Variants in AGTPBP1 observed in about 807,000 individuals in gnomAD.
AGTPBP1 encodes cytosolic carboxypeptidase 1.
AGTPBP1 carries 70 observed loss-of-function variants against 143.9 expected under a neutral mutation model. The ratio of observed to expected loss-of-function variants is 0.49; its 90% confidence interval spans 0.40 to 0.59. AGTPBP1 has a LOEUF of 0.59. AGTPBP1 is among the 20% of genes least tolerant of loss of function. The probability of loss-of-function intolerance (pLI) is 0.00; values close to 1 mark genes in which losing one functional copy is unlikely to be tolerated. For missense variants in AGTPBP1, 1,229 were observed against 1,464.5 expected, an observed-to-expected ratio of 0.84 and a Z score of 2.62; for synonymous variants, 463 against 500.2, an observed-to-expected ratio of 0.93 and a Z score of 0.99.
intron 17 of AGTPBP1, among the ~76,000 whole-genome samples, chr9:85,602,352 G>GA (rs202093258): frequency 6.6e-6 from 1 of 151,954 alleles, no homozygotes. Flanking sequence ...TTAAATGATA[G>GA]AAAAAAATAT....
intron 21 of AGTPBP1, 115 bp downstream of exon 21, chr9:85,588,183 T>G (rs1828733662): frequency 3.3e-6 from 3 of 897,402 alleles, no homozygotes; most frequent in Admixed American, 3.7e-5. Flanking sequence ...ACCAAAAATT[T>G]CTTTATTCTA....
chr9:85,554,642 G>C (rs1826223363), intron 25 of AGTPBP1, among the ~76,000 whole-genome samples: 2 of 152,146 alleles, frequency 1.3e-5, no homozygotes. Flanking sequence ...AAGATAAAAT[G>C]AATCTTCTGT....
upstream of AGTPBP1, among the ~76,000 whole-genome samples, chr9:85,742,392 G>A (rs1234149105): frequency 2.0e-5 from 3 of 151,754 alleles, no homozygotes; most frequent in Non-Finnish European, 2.9e-5. Flanking sequence ...ACTTTCTTAG[G>A]AAGGGTTCTT....
At chr9:85,803,504 A>G in the AGTPBP1 span, among the ~76,000 whole-genome samples, 3 of 152,176 alleles carry the variant, frequency 2.0e-5, no homozygotes, top group African/African-American at 7.2e-5. Context: ...TAAGTTGAAG[A>G]TGCTGGTTCA....
chr9:85,797,510 C>G, the AGTPBP1 span, among the ~76,000 whole-genome samples: 1 of 152,160 alleles, frequency 6.6e-6, no homozygotes, highest in African/African-American at 2.4e-5. Flanking sequence ...GGTAATCCAT[C>G]ATTTCCATTT....
the AGTPBP1 span, among the ~76,000 whole-genome samples, chr9:85,753,821 G>A: frequency 2.0e-5 from 3 of 152,034 alleles, no homozygotes; most frequent in Admixed American, 2.0e-4. Context: ...AAAACTGTTG[G>A]ACTCTGAATA....
At chr9:85,625,672 G>A (rs1180452294) in intron 14 of AGTPBP1, among the ~76,000 whole-genome samples, 1 of 151,646 alleles carries the variant, frequency 6.6e-6, no homozygotes, top group East Asian at 1.9e-4. Context: ...GAACACGATG[G>A]CAGGAGATCG....
chr9:85,804,430 C>CT, the AGTPBP1 span, among the ~76,000 whole-genome samples: 1 of 152,310 alleles, frequency 6.6e-6, no homozygotes, highest in East Asian at 1.9e-4. Context: ...ATACACGGTT[C>CT]TTTGATTCCC....
intron 10 of AGTPBP1, among the ~76,000 whole-genome samples, chr9:85,656,208 C>T (rs547362715): frequency 6.6e-6 from 1 of 152,186 alleles, no homozygotes; most frequent in Non-Finnish European, 1.5e-5. Flanking sequence ...GATATGAAAC[C>T]GTCATATAAC....
chr9:85,666,609 T>C (rs1235405084), intron 8 of AGTPBP1, among the ~76,000 whole-genome samples: 1 of 152,116 alleles, frequency 6.6e-6, no homozygotes, highest in East Asian at 1.9e-4. Flanking sequence ...TCTGATGTTT[T>C]AGATCCACTG....
At chr9:85,796,090 G>A in the AGTPBP1 span, among the ~76,000 whole-genome samples, 2 of 151,962 alleles carry the variant, frequency 1.3e-5, no homozygotes, top group African/African-American at 4.8e-5. Context: ...TCCTTTCAAG[G>A]GAGGTCAAGG....
At chr9:85,732,360 G>T (rs144434511) in intron 1 of AGTPBP1, among the ~76,000 whole-genome samples, 2,251 of 151,740 alleles carry the variant, frequency 0.015, 25 homozygotes, top group Middle Eastern at 0.037. Flanking sequence ...GACTACAGGC[G>T]CCCACCACCA....
chr9:85,658,067 T>A (rs2133957078), intron 9 of AGTPBP1, among the ~76,000 whole-genome samples: 2 of 152,288 alleles, frequency 1.3e-5, no homozygotes, highest in African/African-American at 4.8e-5. Context: ...ATAATTTCTA[T>A]TACAAACTTT....
intron 2 of AGTPBP1, among the ~76,000 whole-genome samples, chr9:85,709,790 G>A (rs954335234): frequency 6.6e-6 from 1 of 152,122 alleles, no homozygotes; most frequent in African/African-American, 2.4e-5. Context: ...TTTTTCTAAT[G>A]ATAAGATTTA....
upstream of AGTPBP1, chr9:85,741,974 T>A (rs896947645): frequency 8.1e-7 from 1 of 1,233,638 alleles, no homozygotes; most frequent in African/African-American, 1.6e-5. Context: ...CCGGGCAACG[T>A]CAGCGCGGCG....
Position 85,646,414 on chromosome 9 carries a change from A to T in AGTPBP1, c.1092T>A (p.Asp364Glu), listed in dbSNP as rs1329747080. 1.2e-6 allele frequency: 2 copies of T among 1,611,900 alleles called. No homozygotes were observed. Among genetic ancestry groups the T allele is most frequent in the Non-Finnish European group, 1.7e-6 (2 of 1,178,970 alleles). ...TGTCATCACTTTCATCTACTACGTC[A>T]TCCACTATGATACAAAATGTGCTAT... ...AQLYSLPPEV[D>E]DVVDESDDND... Residue 364 changes from aspartate (D) to glutamate (E), a missense_variant, in exon 12 of 26, where the codon GAT becomes GAA. By Grantham distance (45) the Asp-to-Glu change is conservative. Coordinates refer to ENST00000357081, the MANE Select transcript of AGTPBP1 (RefSeq NM_001330701.2).
chr9:85,625,532 T>C (rs1831215704), intron 14 of AGTPBP1, among the ~76,000 whole-genome samples: 1 of 152,232 alleles, frequency 6.6e-6, no homozygotes, highest in African/African-American at 2.4e-5. Context: ...GAATGTTTTT[T>C]AAAACAGGCA....
chr9:85,708,633 G>A (rs1299931407), intron 2 of AGTPBP1, among the ~76,000 whole-genome samples: 7 of 152,144 alleles, frequency 4.6e-5, no homozygotes, highest in Non-Finnish European at 5.9e-5. Context: ...TGTCACCTGG[G>A]TTCAAGCAAT....
chr9:85,787,392 T>C, the AGTPBP1 span, among the ~76,000 whole-genome samples: 1 of 152,132 alleles, frequency 6.6e-6, no homozygotes, highest in African/African-American at 2.4e-5. Flanking sequence ...TCTGGTCACA[T>C]GGAGTATGTC....
Sources: gnomAD v4.1 joint callset for allele counts (sites outside exome capture counted in the v4.1 genomes callset) on GRCh38, gnomAD v4.1.1 for gene constraint, MANE v1.5 for transcripts, NCBI Gene and HGNC (gene_info 2026-07-23, HGNC 2026-07-21) for gene names.